Variants in PCNX2 observed in about 807,000 individuals in gnomAD.
PCNX2 encodes pecanex 2.
PCNX2 carries 168 observed loss-of-function variants against 223.8 expected under a neutral mutation model. The ratio of observed to expected loss-of-function variants is 0.75; its 90% CI spans 0.66 to 0.85. PCNX2 has a LOEUF of 0.85. Ranked by LOEUF, PCNX2 falls within the 40% of genes least tolerant of loss-of-function variation. The probability of loss-of-function intolerance (pLI) is 0.00; values close to 1 mark genes in which losing one functional copy is unlikely to be tolerated. For missense variants in PCNX2, 2,507 were observed against 2,675.5 expected, an observed-to-expected ratio of 0.94 and a Z score of 1.39; for synonymous variants, 1,006 against 1,052.6, an observed-to-expected ratio of 0.96 and a Z score of 0.86.
chr1:233,114,424 G>A (rs1489020583), intron 21 of PCNX2, among the ~76,000 whole-genome samples: 1 of 152,208 alleles, frequency 6.6e-6, no homozygotes, highest in Non-Finnish European at 1.5e-5. Context: ...AGCAAGAACG[G>A]AGACCAGTTG....
chr1:233,106,347 C>CTTTTTTTT (rs912803573), intron 21 of PCNX2, among the ~76,000 whole-genome samples: 3 of 115,688 alleles, frequency 2.6e-5, no homozygotes, highest in African/African-American at 6.8e-5. Flanking sequence ...TCTCCTCCCT[C>CTTTTTTTT]TTTTTTTTTT....
chr1:233,286,740 C>T (rs1430138153), intron 1 of PCNX2, among the ~76,000 whole-genome samples: 1 of 152,060 alleles, frequency 6.6e-6, no homozygotes, highest in Non-Finnish European at 1.5e-5. Context: ...CAACTAGGAA[C>T]ACGTGCCATG....
chr1:233,214,617 G>T (rs541874663), intron 12 of PCNX2, among the ~76,000 whole-genome samples: 1 of 152,116 alleles, frequency 6.6e-6, no homozygotes, highest in Non-Finnish European at 1.5e-5. Context: ...TGCTTTCTGG[G>T]TTATTAGTGG....
chr1:233,006,921 G>T (rs1313334507), intron 28 of PCNX2, among the ~76,000 whole-genome samples: 1 of 151,678 alleles, frequency 6.6e-6, no homozygotes, highest in Non-Finnish European at 1.5e-5. Flanking sequence ...ACTGTCCCAG[G>T]CTCAGATAGC....
intron 12 of PCNX2, among the ~76,000 whole-genome samples, chr1:233,209,435 A>T (rs1681701042): frequency 6.6e-6 from 1 of 152,270 alleles, no homozygotes; most frequent in Non-Finnish European, 1.5e-5. Context: ...TTTACATCTC[A>T]TAAATCAATG....
upstream of PCNX2, among the ~76,000 whole-genome samples, chr1:233,295,982 CTTTT>C (rs200068010): frequency 1.4e-5 from 2 of 143,292 alleles, no homozygotes; most frequent in Admixed American, 7.0e-5. This position sits in a 1 kb window ranked among gnomAD's most constrained non-coding sequence, Gnocchi z 4.1. Flanking sequence ...CTTTCTCGCT[CTTTT>C]TTTCTTTCTT....
At chr1:233,216,749 C>G (rs181423347) in intron 12 of PCNX2, among the ~76,000 whole-genome samples, 1 of 152,064 alleles carries the variant, frequency 6.6e-6, no homozygotes, top group African/African-American at 2.4e-5. Context: ...AAAAGATATA[C>G]GCATCACCAT....
At chr1:233,281,120 T>A (rs1661174575) in intron 1 of PCNX2, among the ~76,000 whole-genome samples, 1 of 152,208 alleles carries the variant, frequency 6.6e-6, no homozygotes. Context: ...TGATATATAG[T>A]AAGAAAAAGT....
intron 5 of PCNX2, among the ~76,000 whole-genome samples, chr1:233,254,779 A>G (rs1659637625): frequency 6.6e-6 from 1 of 151,930 alleles, no homozygotes; most frequent in Non-Finnish European, 1.5e-5. Context: ...ACTATTATAA[A>G]TATTTAATGT....
At chr1:233,206,051 C>T (rs1432130218) in intron 13 of PCNX2, among the ~76,000 whole-genome samples, 1 of 151,984 alleles carries the variant, frequency 6.6e-6, no homozygotes, top group African/African-American at 2.4e-5. Context: ...GGAAGGAACA[C>T]AATGTGTGAG....
intron 22 of PCNX2, among the ~76,000 whole-genome samples, chr1:233,093,089 G>A (rs181573935): frequency 6.6e-6 from 1 of 152,186 alleles, no homozygotes; most frequent in Non-Finnish European, 1.5e-5. Context: ...GTGAGCCACT[G>A]TGCCCAGCCA....
chr1:233,184,688 A>G (rs753114354), intron 15 of PCNX2, among the ~76,000 whole-genome samples: 1 of 152,064 alleles, frequency 6.6e-6, no homozygotes, highest in East Asian at 1.9e-4. Context: ...CTTCCATTAC[A>G]TATGATTTCT....
At chr1:233,061,601 G>C (rs1360075558) in intron 23 of PCNX2, among the ~76,000 whole-genome samples, 3 of 152,138 alleles carry the variant, frequency 2.0e-5, no homozygotes, top group Admixed American at 2.0e-4. Flanking sequence ...AGATGGTCTT[G>C]AATAAAAATG....
intron 28 of PCNX2, among the ~76,000 whole-genome samples, chr1:233,006,073 A>G (rs1254535262): frequency 6.6e-6 from 1 of 152,118 alleles, no homozygotes; most frequent in East Asian, 1.9e-4. Flanking sequence ...GTGTTAGGGG[A>G]GCAGGTCCAC....
chr1:233,263,295 G>T, intron 1 of PCNX2, 132 bp from the exon 2 acceptor site: 2 of 773,750 alleles, frequency 2.6e-6, no homozygotes, highest in Non-Finnish European at 1.9e-6. Context: ...AATTTTTTAA[G>T]TTTTCCTGGT....
At chr1:233,248,268 C>T (rs181953309) in intron 8 of PCNX2, among the ~76,000 whole-genome samples, 230 of 152,010 alleles carry the variant, frequency 1.5e-3, no homozygotes, top group African/African-American at 5.4e-3. Flanking sequence ...CTCGGAGAGC[C>T]AGCCCCTTCC....
chr1:233,154,355 C>T (rs1210535270), intron 19 of PCNX2, among the ~76,000 whole-genome samples: 2 of 152,210 alleles, frequency 1.3e-5, no homozygotes, highest in Admixed American at 6.5e-5. Flanking sequence ...GCTGGGATTA[C>T]AGGTGTGGGC....
upstream of PCNX2, among the ~76,000 whole-genome samples, chr1:233,300,329 G>A (rs946775828): frequency 6.6e-6 from 1 of 152,344 alleles, no homozygotes; most frequent in African/African-American, 2.4e-5. Context: ...AGCTAGGGAT[G>A]AGAGAAACAA....
At chr1:233,173,412 C>T (rs896661714) in intron 17 of PCNX2, among the ~76,000 whole-genome samples, 3 of 152,132 alleles carry the variant, frequency 2.0e-5, no homozygotes, top group Admixed American at 1.3e-4. Flanking sequence ...GTGATCCACC[C>T]GCCTCGGCCT....
Sources: allele counts gnomAD v4.1 joint callset (sites outside exome capture counted in the v4.1 genomes callset), GRCh38; gene constraint gnomAD v4.1.1; non-coding constraint Gnocchi (gnomAD v3.1); transcripts MANE v1.5; gene names NCBI Gene and HGNC (gene_info 2026-07-23, HGNC 2026-07-21).